Variants in WFDC9 observed in about 807,000 individuals in gnomAD.
WFDC9 encodes protein WFDC9.
In WFDC9, 9 loss-of-function variants were observed where a neutral mutation model predicts 9.5. That is an observed-to-expected ratio of 0.95 (90% CI 0.57 to 1.65). The LOEUF (loss-of-function observed/expected upper bound fraction) is 1.65, where lower values mean the gene tolerates loss of function less well. Ranked by LOEUF, WFDC9 falls within the 40% of genes most tolerant of loss-of-function variation. The pLI is 0.00. For synonymous variants in WFDC9, 33 were observed against 32.3 expected (o/e 1.02, Z -0.07); for missense variants, 87 against 106.7 (o/e 0.82, Z 0.81).
At chr20:45,629,792 G>C in intron 1 of WFDC9, 1 of 1,610,910 alleles carries the variant, frequency 6.2e-7, no homozygotes, top group Admixed American at 1.7e-5. Flanking sequence ...CCAGACATAG[G>C]GCTCACGATC....
chr20:45,609,993 T>A (rs1249625272), intron 3 of WFDC9, 98 bp downstream of exon 3: 1 of 902,062 alleles, frequency 1.1e-6, no homozygotes, highest in Non-Finnish European at 1.7e-6. Flanking sequence ...TAAGGAGAGA[T>A]CCTTTAAAGC....
Position 45,608,038 on chromosome 20 carries a change from A to C in WFDC9, c.*72T>G. 6.4e-7 allele frequency: 1 copy of C among 1,561,226 alleles called. No homozygotes were observed. Among genetic ancestry groups the C allele is most frequent in the Non-Finnish European group, 8.8e-7 (1 of 1,135,294 alleles). ...GCTAGAGCCAGTGGGTGTCCCAAGAAGGAAGTAGGCAGCACTCTTCTTAGA... is the reference window on the plus strand; with the variant it reads ...GCTAGAGCCAGTGGGTGTCCCAAGACGGAAGTAGGCAGCACTCTTCTTAGA... On this transcript the variant is annotated 3_prime_UTR_variant, in exon 5 of 5. Transcript: ENST00000326000.
chr20:45,612,786 T>C (rs988311746), intron 2 of WFDC9, among the ~76,000 whole-genome samples: 4 of 152,252 alleles, frequency 2.6e-5, no homozygotes, highest in African/African-American at 9.6e-5. Context: ...AGAGAAAAAT[T>C]TGAACTATAA....
At position 45,613,686 on chromosome 20, in the gene WFDC9, A is replaced by G. The variant is rs548950454; in HGVS notation, c.-59+942T>C. ...CACACAAATATCTGATCTGATCTACAATTTAAGGGCTTCTCTTCTCCTTTC... is the reference window on the plus strand; with the variant it reads ...CACACAAATATCTGATCTGATCTACGATTTAAGGGCTTCTCTTCTCCTTTC... On this transcript the variant is annotated intron_variant, in intron 2 of 4. Transcript: ENST00000326000. Among the ~76,000 whole-genome samples, 74 of 152,214 alleles carry G rather than the reference A, an allele frequency of 4.9e-4. No individual in the cohort carries two copies. In the South Asian group the frequency reaches 0.015, roughly 31 times the overall value.
At chr20:45,620,535 T>C (rs1982073630) in intron 1 of WFDC9, among the ~76,000 whole-genome samples, 1 of 152,196 alleles carries the variant, frequency 6.6e-6, no homozygotes, top group Non-Finnish European at 1.5e-5. Flanking sequence ...GAGATTGCAG[T>C]GAGCCAAGAG....
chr20:45,608,097 C>G lies in WFDC9; in HGVS notation c.*13G>C. On this transcript the variant is annotated 3_prime_UTR_variant, in exon 5 of 5. Coordinates refer to ENST00000326000, the MANE Select transcript of WFDC9 (RefSeq NM_147198.4). ...TCATCCTTCAGCCCACAGTAGTGAT[C>G]GGCCAATAGAATCTAGGGGTTTAGC... 6.2e-7 allele frequency: 1 copy of G among 1,613,282 alleles called. No homozygotes were observed. The highest frequency in any genetic ancestry group is 8.5e-7 in the Non-Finnish European group (1 of 1,179,644).
chr20:45,612,626 A>G (rs1393345176), intron 2 of WFDC9, among the ~76,000 whole-genome samples: 2 of 152,154 alleles, frequency 1.3e-5, no homozygotes, highest in African/African-American at 4.8e-5. Context: ...AACACTGTAA[A>G]AATTTAACTA....
intron 1 of WFDC9, among the ~76,000 whole-genome samples, chr20:45,628,159 A>G (rs931526296): frequency 7.2e-5 from 11 of 152,370 alleles, no homozygotes; most frequent in African/African-American, 2.6e-4. Flanking sequence ...GAAAGCCTCC[A>G]TCACATAATA....
chr20:45,617,824 CAT>C (rs1173003483), intron 1 of WFDC9, among the ~76,000 whole-genome samples: 1 of 152,186 alleles, frequency 6.6e-6, no homozygotes, highest in Non-Finnish European at 1.5e-5. Flanking sequence ...TTACTAATAA[CAT>C]AAACATTTGA....
Position 45,608,821 on chromosome 20 carries a change from A to G in WFDC9, c.92-11T>C. ...TTATCATATCTAGAACTGAGATGGA[A>G]GAAGTTAGCAGGGTCCGTCTATTCA... On this transcript the variant is annotated splice_polypyrimidine_tract_variant and intron_variant, in intron 3 of 4. Coordinates refer to ENST00000326000, the MANE Select transcript of WFDC9 (RefSeq NM_147198.4). 6.2e-7 allele frequency: 1 copy of G among 1,601,084 alleles called. No individual in the cohort carries two copies. Among genetic ancestry groups the G allele is most frequent in the Non-Finnish European group, 8.5e-7 (1 of 1,176,252 alleles).
chr20:45,611,550 T>C (rs745784350), intron 2 of WFDC9, among the ~76,000 whole-genome samples: 39 of 152,144 alleles, frequency 2.6e-4, no homozygotes, highest in Non-Finnish European at 5.9e-5. Flanking sequence ...AAAAATATGC[T>C]CACATCATAC....
intron 2 of WFDC9, among the ~76,000 whole-genome samples, chr20:45,611,609 T>A (rs1165167000): frequency 6.6e-6 from 1 of 152,196 alleles, no homozygotes; most frequent in African/African-American, 2.4e-5. Flanking sequence ...TTTCCTCATA[T>A]CATCAAGACC....
chr20:45,617,384 G>C (rs185465226), intron 1 of WFDC9, among the ~76,000 whole-genome samples: 1 of 152,286 alleles, frequency 6.6e-6, no homozygotes, highest in East Asian at 1.9e-4. Flanking sequence ...GGACCCAGGT[G>C]GCAGAGGTTG....
chr20:45,614,205 A>G (rs1981924118), intron 2 of WFDC9, among the ~76,000 whole-genome samples: 2 of 152,092 alleles, frequency 1.3e-5, no homozygotes, highest in Admixed American at 1.3e-4. Flanking sequence ...CACACCCTCA[A>G]GTGTACTAAA....
chr20:45,613,517 A>G (rs1397675600), intron 2 of WFDC9, among the ~76,000 whole-genome samples: 1 of 152,184 alleles, frequency 6.6e-6, no homozygotes, highest in African/African-American at 2.4e-5. Context: ...AATCACTTTT[A>G]AGAGATTCGA....
chr20:45,618,446 T>C (rs954780498), intron 1 of WFDC9, among the ~76,000 whole-genome samples: 4 of 152,248 alleles, frequency 2.6e-5, no homozygotes, highest in Non-Finnish European at 5.9e-5. Context: ...GCTTTCAGCC[T>C]ATCTCAGCTG....
intron 1 of WFDC9, among the ~76,000 whole-genome samples, chr20:45,623,024 G>A (rs2089891672): frequency 6.6e-6 from 1 of 152,196 alleles, no homozygotes; most frequent in Admixed American, 6.5e-5. Flanking sequence ...TTTGAGAAAT[G>A]GCTCAGGAGT....
chr20:45,609,352 C>T (rs1446325080), intron 3 of WFDC9, among the ~76,000 whole-genome samples: 4 of 152,004 alleles, frequency 2.6e-5, no homozygotes, highest in Non-Finnish European at 2.9e-5. Flanking sequence ...TACAGGAGCA[C>T]ACCACCATGC....
intron 1 of WFDC9, among the ~76,000 whole-genome samples, chr20:45,620,783 T>TTA (rs201467465): frequency 0.014 from 2,102 of 152,316 alleles, 87 homozygotes; most frequent in Admixed American, 0.097. Flanking sequence ...GTTAATTATA[T>TTA]TATGATATTT....
Sources: gnomAD v4.1 joint callset for allele counts (sites outside exome capture counted in the v4.1 genomes callset) on GRCh38, gnomAD v4.1.1 for gene constraint, MANE v1.5 for transcripts, NCBI Gene and HGNC (gene_info 2026-07-23, HGNC 2026-07-21) for gene names.